The following MAGI2 variants were observed in gnomAD, a reference collection of about 807,000 sequenced individuals.
MAGI2 encodes membrane associated guanylate kinase, WW and PDZ domain containing 2.
In MAGI2, 35 loss-of-function variants were observed where a neutral mutation model predicts 133.3. That is an observed-to-expected ratio of 0.26 (90% CI 0.20 to 0.35). MAGI2 has a LOEUF of 0.35. Among genes scored for constraint, MAGI2 ranks in the 10% least tolerant of loss-of-function variants. The pLI is 1.00. For synonymous variants in MAGI2, 729 were observed against 710.6 expected (o/e 1.03, Z -0.41); for missense variants, 1,636 against 1,863.4 (o/e 0.88, Z 2.25).
intron 1 of MAGI2, among the ~76,000 whole-genome samples, chr7:79,321,780 C>T (rs1001220170): frequency 6.6e-6 from 1 of 152,128 alleles, no homozygotes; most frequent in Non-Finnish European, 1.5e-5. Flanking sequence ...AGAGAGCTAA[C>T]ATTTCCTGAA....
chr7:78,963,955 T>C (rs907858765), intron 2 of MAGI2, among the ~76,000 whole-genome samples: 3 of 152,016 alleles, frequency 2.0e-5, no homozygotes, highest in Admixed American at 2.0e-4. Flanking sequence ...ATGTGTCTCA[T>C]TAGCTCAGAG....
chr7:78,949,596 T>C (rs1259379876), intron 2 of MAGI2, among the ~76,000 whole-genome samples: 1 of 152,224 alleles, frequency 6.6e-6, no homozygotes, highest in Non-Finnish European at 1.5e-5. Flanking sequence ...ATTCTATATT[T>C]ACCTAGTTTC....
intron 1 of MAGI2, among the ~76,000 whole-genome samples, chr7:79,259,986 G>C (rs991484209): frequency 2.0e-5 from 3 of 152,180 alleles, no homozygotes; most frequent in African/African-American, 7.2e-5. Flanking sequence ...ATTTCAATGT[G>C]TTTGATTATT....
chr7:79,164,188 T>A (rs2074239527), intron 1 of MAGI2, among the ~76,000 whole-genome samples: 1 of 152,036 alleles, frequency 6.6e-6, no homozygotes, highest in South Asian at 2.1e-4. Flanking sequence ...TTTTTTTACC[T>A]TGCCCAAATT....
intron 2 of MAGI2, among the ~76,000 whole-genome samples, chr7:78,667,720 T>C (rs1813794037): frequency 6.6e-6 from 1 of 152,068 alleles, no homozygotes; most frequent in African/African-American, 2.4e-5. Context: ...GGACATGAAC[T>C]CATCATTTTT....
At chr7:78,804,458 A>C (rs575563670) in intron 2 of MAGI2, among the ~76,000 whole-genome samples, 69 of 152,044 alleles carry the variant, frequency 4.5e-4, no homozygotes, top group African/African-American at 1.6e-3. Context: ...AAAAAAAAAA[A>C]AAACTTTGGG....
intron 2 of MAGI2, among the ~76,000 whole-genome samples, chr7:78,968,234 G>A (rs1803497037): frequency 6.6e-6 from 1 of 151,986 alleles, no homozygotes; most frequent in African/African-American, 2.4e-5. Context: ...GCTCTGTGGG[G>A]TCCTTTATGG....
At chr7:79,298,687 C>A (rs904872771) in intron 1 of MAGI2, among the ~76,000 whole-genome samples, 1 of 152,032 alleles carries the variant, frequency 6.6e-6, no homozygotes, top group Non-Finnish European at 1.5e-5. Context: ...ATGTTGAAGT[C>A]CTAACCCCCA....
chr7:78,934,642 G>T (rs1800385394), intron 2 of MAGI2, among the ~76,000 whole-genome samples: 1 of 151,970 alleles, frequency 6.6e-6, no homozygotes, highest in Non-Finnish European at 1.5e-5. Context: ...ATTACCTTCA[G>T]GATGTATATA....
intron 5 of MAGI2, 34 bp from the exon 6 acceptor site, chr7:78,489,874 A>C (rs1301360620): frequency 6.7e-7 from 1 of 1,498,822 alleles, no homozygotes; most frequent in Non-Finnish European, 9.1e-7. Context: ...GAACAGACAC[A>C]TACTAAAAGG....
intron 1 of MAGI2, among the ~76,000 whole-genome samples, chr7:79,049,889 C>T (rs1266294903): frequency 6.6e-6 from 1 of 151,836 alleles, no homozygotes; most frequent in African/African-American, 2.4e-5. Context: ...TACTACTTCT[C>T]ATATTTTTAT....
chr7:78,743,805 A>G (rs542385058), intron 2 of MAGI2, among the ~76,000 whole-genome samples: 35 of 152,276 alleles, frequency 2.3e-4, no homozygotes, highest in Non-Finnish European at 4.4e-4. Context: ...TCCATTTTTA[A>G]TCTCCATACT....
chr7:78,390,611 A>G (rs974137581), intron 6 of MAGI2, among the ~76,000 whole-genome samples: 7 of 139,864 alleles, frequency 5.0e-5, no homozygotes, highest in East Asian at 2.2e-4. Flanking sequence ...AATGTTGGCA[A>G]TCTTTACCTG....
At chr7:78,666,559 T>A (rs1033082369) in intron 2 of MAGI2, among the ~76,000 whole-genome samples, 1 of 152,142 alleles carries the variant, frequency 6.6e-6, no homozygotes, top group Admixed American at 6.6e-5. Context: ...AGGAATAAAC[T>A]TGATTAGATT....
intron 9 of MAGI2, among the ~76,000 whole-genome samples, chr7:78,321,285 G>A (rs187446028): frequency 9.1e-4 from 139 of 152,130 alleles, no homozygotes; most frequent in African/African-American, 3.3e-3. Context: ...ATTTCATATG[G>A]AACCAAAAAA....
chr7:78,995,019 C>T (rs553278625), intron 2 of MAGI2, among the ~76,000 whole-genome samples: 258 of 152,062 alleles, frequency 1.7e-3, no homozygotes, highest in African/African-American at 5.8e-3. Flanking sequence ...GTAGAGCTGA[C>T]ATCAAAATGT....
chr7:78,051,948 A>T (rs1812054615), intron 21 of MAGI2, among the ~76,000 whole-genome samples: 1 of 147,528 alleles, frequency 6.8e-6, no homozygotes, highest in South Asian at 2.1e-4. Flanking sequence ...CAATGGCAGC[A>T]TCAGAGCTCA....
chr7:78,209,522 A>C (rs1201765096), intron 10 of MAGI2, among the ~76,000 whole-genome samples: 13 of 151,812 alleles, frequency 8.6e-5, no homozygotes, highest in Admixed American at 8.5e-4. Flanking sequence ...TGGCTTCCCA[A>C]AGTGCTGGGA....
At chr7:78,150,064 T>C (rs1163559390) in intron 16 of MAGI2, among the ~76,000 whole-genome samples, 1 of 152,176 alleles carries the variant, frequency 6.6e-6, no homozygotes, top group East Asian at 1.9e-4. Flanking sequence ...TGGGAACAAA[T>C]CCAGCTTCAA....
Sources: gnomAD v4.1 joint callset for allele counts (sites outside exome capture counted in the v4.1 genomes callset) on GRCh38, gnomAD v4.1.1 for gene constraint, MANE v1.5 for transcripts, NCBI Gene and HGNC (gene_info 2026-07-23, HGNC 2026-07-21) for gene names.